The following DSCAML1 variants were observed in gnomAD, a reference collection of about 807,000 sequenced individuals.
DSCAML1 encodes cell adhesion molecule DSCAML1.
Under a neutral mutation model 200.5 loss-of-function variants are expected in DSCAML1, and 38 were observed. That is an observed-to-expected ratio of 0.19 (90% CI 0.15 to 0.25). The LOEUF is 0.25. Ranked by LOEUF, DSCAML1 falls within the 10% of genes least tolerant of loss-of-function variation. The pLI is 1.00. For synonymous variants in DSCAML1, 1,215 were observed against 1,165.0 expected, an observed-to-expected ratio of 1.04 and a Z score of -0.87; for missense variants, 2,223 against 2,858.8, an observed-to-expected ratio of 0.78 and a Z score of 5.07.
chr11:117,477,349 A>AGTGTGTGT (rs5795087), intron 14 of DSCAML1, among the ~76,000 whole-genome samples: 148 of 140,182 alleles, frequency 1.1e-3, no homozygotes, highest in Admixed American at 3.4e-3. Context: ...TGGTTCTGAA[A>AGTGTGTGT]GTGTGTGTGT....
intron 3 of DSCAML1, among the ~76,000 whole-genome samples, chr11:117,595,089 C>CACACACACACACACACACACA (rs375717572): frequency 6.6e-6 from 1 of 151,390 alleles, no homozygotes; most frequent in Admixed American, 6.6e-5. Flanking sequence ...CACACACACA[C>CACACACACACACACACACACA]CCTTTGATAT....
At chr11:117,732,203 GC>G (rs2137820063) in intron 3 of DSCAML1, among the ~76,000 whole-genome samples, 1 of 152,334 alleles carries the variant, frequency 6.6e-6, no homozygotes, top group East Asian at 1.9e-4. Context: ...TGTGCTGGAA[GC>G]TTTTGCATAT....
At chr11:117,687,698 T>A (rs2053427213) in intron 3 of DSCAML1, among the ~76,000 whole-genome samples, 1 of 152,186 alleles carries the variant, frequency 6.6e-6, no homozygotes. Flanking sequence ...AATATTAGCA[T>A]TCTGTTTGAA....
intron 3 of DSCAML1, among the ~76,000 whole-genome samples, chr11:117,542,337 A>T (rs562424684): frequency 2.6e-5 from 4 of 151,560 alleles, no homozygotes; most frequent in African/African-American, 9.7e-5. Flanking sequence ...CACAAAAACA[A>T]CAACAACAAC....
intron 3 of DSCAML1, among the ~76,000 whole-genome samples, chr11:117,592,228 C>T (rs2051271879): frequency 6.6e-6 from 1 of 152,130 alleles, no homozygotes; most frequent in Non-Finnish European, 1.5e-5. Flanking sequence ...TCATCCTAGC[C>T]CATCATCCCT....
chr11:117,653,936 G>A (rs1398563153), intron 3 of DSCAML1, among the ~76,000 whole-genome samples: 1 of 152,210 alleles, frequency 6.6e-6, no homozygotes, highest in South Asian at 2.1e-4. Flanking sequence ...TGAGGTGGGA[G>A]GATCACTTGA....
chr11:117,653,186 T>G (rs1295255918), intron 3 of DSCAML1, among the ~76,000 whole-genome samples: 3 of 151,846 alleles, frequency 2.0e-5, no homozygotes, highest in Admixed American at 6.6e-5. Context: ...TGTCTCGGGG[T>G]GGGGTGTGTG....
intron 3 of DSCAML1, among the ~76,000 whole-genome samples, chr11:117,715,700 C>T (rs2053941755): frequency 2.0e-5 from 3 of 152,070 alleles, no homozygotes; most frequent in South Asian, 2.1e-4. Flanking sequence ...AGAGGCTGTC[C>T]GAGGGTGGGT....
At chr11:117,572,563 A>C (rs886460296) in intron 3 of DSCAML1, among the ~76,000 whole-genome samples, 2 of 152,140 alleles carry the variant, frequency 1.3e-5, no homozygotes, top group African/African-American at 4.8e-5. Context: ...TCCTCCGGTC[A>C]CACCAGCTCT....
chr11:117,442,496 TGA>T (rs956667438), intron 21 of DSCAML1, among the ~76,000 whole-genome samples: 1 of 151,674 alleles, frequency 6.6e-6, no homozygotes, highest in Non-Finnish European at 1.5e-5. Context: ...TGCACATGTA[TGA>T]GTGTGCAGTG....
intron 14 of DSCAML1, among the ~76,000 whole-genome samples, chr11:117,472,743 A>G (rs1156789369): frequency 6.6e-6 from 1 of 152,194 alleles, no homozygotes; most frequent in Non-Finnish European, 1.5e-5. Context: ...GGAGGTGGAA[A>G]ATACCAGATA....
At chr11:117,590,798 CA>C (rs2051244413) in intron 3 of DSCAML1, among the ~76,000 whole-genome samples, 1 of 152,184 alleles carries the variant, frequency 6.6e-6, no homozygotes, top group African/African-American at 2.4e-5. Flanking sequence ...CCCTCAAATG[CA>C]GACTGAGAAT....
intron 1 of DSCAML1, among the ~76,000 whole-genome samples, chr11:117,808,839 C>T (rs539616966): frequency 6.6e-6 from 1 of 152,184 alleles, no homozygotes; most frequent in Non-Finnish European, 1.5e-5. Flanking sequence ...TTTACATGTT[C>T]GCAGCACTTT....
At position 117,534,522 on chromosome 11, in the gene DSCAML1, G is replaced by A. The variant is rs116084356; in HGVS notation, c.512-2000C>T. 4.0e-3 allele frequency among the ~76,000 whole-genome samples: 615 copies of A among 152,274 alleles called. 8 individuals are homozygous for A. The highest frequency in any genetic ancestry group is 0.014 in the African/African-American group (562 of 41,558). ...TGCCCCGCTGAACCAGCCGAAACCC[G>A]TGTTCCTGACATACTCCCTCATACA... On this transcript the variant is annotated intron_variant, in intron 3 of 32. Coordinates refer to ENST00000651296, the MANE Select transcript of DSCAML1 (RefSeq NM_020693.4).
chr11:117,775,278 C>A lies in DSCAML1; in HGVS notation c.511+1513G>T, dbSNP rs531817589. ...CAGCCTCAGACCCTGCAGGACCCCACACAGCCACCCCTGCGGGGTCCAACC... is the reference window on the plus strand; with the variant it reads ...CAGCCTCAGACCCTGCAGGACCCCAAACAGCCACCCCTGCGGGGTCCAACC... On this transcript the variant is annotated intron_variant, in intron 3 of 32. Transcript: ENST00000651296. Among the ~76,000 whole-genome samples the A allele has an allele frequency of 4.6e-5, 7 of 152,342 alleles. No homozygotes were observed. The East Asian group carries it at 1.4e-3, about 29-fold the overall frequency.
chr11:117,576,982 C>T (rs1437171277), intron 3 of DSCAML1, among the ~76,000 whole-genome samples: 3 of 152,140 alleles, frequency 2.0e-5, no homozygotes, highest in Admixed American at 1.3e-4. Flanking sequence ...AAATTTGAAT[C>T]CTTGATTGAG....
intron 1 of DSCAML1, among the ~76,000 whole-genome samples, chr11:117,784,502 T>C (rs2055316073): frequency 6.6e-6 from 1 of 152,022 alleles, no homozygotes; most frequent in South Asian, 2.1e-4. Flanking sequence ...ACAGAAGCAA[T>C]GGGTGTGTTC....
chr11:117,694,057 T>TTA (rs35313833), intron 3 of DSCAML1, among the ~76,000 whole-genome samples: 14,430 of 116,314 alleles, frequency 0.12, 918 homozygotes, highest in African/African-American at 0.19. Flanking sequence ...GGTTCTATCT[T>TTA]TATATATATA....
intron 3 of DSCAML1, among the ~76,000 whole-genome samples, chr11:117,714,428 C>T (rs112082834): frequency 6.6e-6 from 1 of 152,100 alleles, no homozygotes; most frequent in Admixed American, 6.5e-5. Flanking sequence ...TTTAAAGCAG[C>T]AACAAGAGCC....
Sources: allele counts gnomAD v4.1 joint callset (sites outside exome capture counted in the v4.1 genomes callset), GRCh38; gene constraint gnomAD v4.1.1; transcripts MANE v1.5; gene names NCBI Gene and HGNC (gene_info 2026-07-23, HGNC 2026-07-21).